The following RPS3A variants were observed in gnomAD, a reference collection of about 807,000 sequenced individuals.
RPS3A encodes the protein ribosomal protein S3A, also known as small ribosomal subunit protein eS1.
In RPS3A, 1 loss-of-function variant was observed where a neutral mutation model predicts 26.4. The ratio of observed to expected loss-of-function variants is 0.04; its 90% CI spans 0.01 to 0.18. The LOEUF (loss-of-function observed/expected upper bound fraction) is 0.18, where lower values mean the gene tolerates loss of function less well. Ranked by LOEUF, RPS3A falls within the 10% of genes least tolerant of loss-of-function variation. The pLI, the probability that RPS3A is intolerant of heterozygous loss-of-function variation, is 1.00. For synonymous variants in RPS3A, 97 were observed against 106.1 expected (o/e 0.91, Z 0.53); for missense variants, 139 against 326.8 (o/e 0.43, Z 4.43).
At chr4:151,103,911 G>C (rs1192208191) in intron 4 of RPS3A, 1 of 1,483,544 alleles carries the variant, frequency 6.7e-7, no homozygotes, top group Non-Finnish European at 9.0e-7. Flanking sequence ...TATACAGTTA[G>C]CTAAGAGGGT....
intron 4 of RPS3A, chr4:151,103,641 C>G: frequency 9.3e-7 from 1 of 1,072,334 alleles, no homozygotes; most frequent in Non-Finnish European, 1.1e-6. Flanking sequence ...GTGGGATGTG[C>G]CTGGAGTCCC....
chr4:151,099,770 GC>G, intron 1 of RPS3A, 56 bp downstream of exon 1: 1 of 1,547,480 alleles, frequency 6.5e-7, no homozygotes, highest in Non-Finnish European at 8.8e-7. Flanking sequence ...GAATCGGCGG[GC>G]TGGTCCTAGA....
chr4:151,099,921 C>G, intron 1 of RPS3A: 1 of 607,600 alleles, frequency 1.6e-6, no homozygotes, highest in Non-Finnish European at 3.1e-6. Flanking sequence ...CTGGTCCTTG[C>G]GCGCGTCGCG....
At position 151,103,754 on chromosome 4, in the gene RPS3A, G is replaced by A. The variant is rs941007563; in HGVS notation, c.564-423G>A. Reference sequence around the variant, plus strand: ...CTGTCCCAAAAAATAAAAAATATACGTATATATATATACACACACAAAGAA... The same window carrying A: ...CTGTCCCAAAAAATAAAAAATATACATATATATATATACACACACAAAGAA... On this transcript the variant is annotated intron_variant, in intron 4 of 5. Transcript: ENST00000274065. 3.5e-4 allele frequency: 430 copies of A among 1,217,324 alleles called. 1 individual carries two copies. Among genetic ancestry groups the A allele is most frequent in the African/African-American group, 1.4e-4 (9 of 62,536 alleles). 75.4% of individuals were successfully genotyped at this position (1,217,324 alleles called of 1,614,324 possible).
Position 151,104,458 on chromosome 4 carries a change from T to TTTTTTTC in RPS3A, c.674-10_674-9insTTCTTTT. On this transcript the variant is annotated splice_polypyrimidine_tract_variant and intron_variant, in intron 5 of 5. Transcript: ENST00000274065. ...TTTTTGGTTTTTTTTTTTTTTTTTTTTTTTGCCTTTTAGTGGGAAAGCTCA... is the reference window on the plus strand; with the variant it reads ...TTTTTGGTTTTTTTTTTTTTTTTTTTTTTTTTCTTTTGCCTTTTAGTGGGAAAGCTCA... 2 of 1,436,676 alleles carry TTTTTTTC rather than the reference T, an allele frequency of 1.4e-6. No homozygotes were observed. The highest frequency in any genetic ancestry group is 1.5e-5 in the South Asian group (1 of 68,386). The allele number at this position is 1,436,676 out of a possible 1,614,324, so 89.0% of individuals were successfully genotyped here. A position where few individuals can be genotyped will look rare whatever the true frequency, so the allele number is the denominator to read the frequency against.
At chr4:151,102,732 CTTAAAGAGATG>C in intron 3 of RPS3A, 128 bp from the exon 4 acceptor site, 1 of 1,034,454 alleles carries the variant, frequency 9.7e-7, no homozygotes, top group East Asian at 2.7e-5. Context: ...ATTCTGTAAA[CTTAAAGAGATG>C]TTACTTATGT....
At chr4:151,100,079 C>T (rs879723214) in intron 1 of RPS3A, 1 of 539,870 alleles carries the variant, frequency 1.9e-6, no homozygotes, top group Non-Finnish European at 3.5e-6. Context: ...TCAATCTCGC[C>T]TTTGCTTGGT....
chr4:151,102,735 A>T, intron 3 of RPS3A, 136 bp from the exon 4 acceptor site: 1 of 1,042,128 alleles, frequency 9.6e-7, no homozygotes, highest in South Asian at 1.7e-5. Flanking sequence ...CTGTAAACTT[A>T]AAGAGATGTT....
At chr4:151,099,921 C>A (rs931642921) in intron 1 of RPS3A, 3 of 607,476 alleles carry the variant, frequency 4.9e-6, no homozygotes, top group Admixed American at 2.1e-5. Context: ...CTGGTCCTTG[C>A]GCGCGTCGCG....
rs751286160 is a variant in RPS3A at position 151,102,903 on chromosome 4, T to C, written c.387T>C (p.Thr129=). The change falls in exon 4 of 6, where the codon ACT becomes ACC. Residue 129 remains threonine, a synonymous_variant. Transcript: ENST00000274065. ...TMIEAHVDVK[T]TDGYLLRLFC... ...TTGAAGCTCACGTTGATGTCAAGAC[T>C]ACCGATGGTTACTTGCTTCGTCTGT... 6.2e-7 allele frequency: 1 copy of C among 1,611,500 alleles called. No individual in the cohort carries two copies. Among genetic ancestry groups the C allele is most frequent in the Non-Finnish European group, 8.5e-7 (1 of 1,178,332 alleles).
At position 151,100,545 on chromosome 4, in the gene RPS3A, A is replaced by G. The variant is rs1747075134; in HGVS notation, c.123A>G (p.Ile41Met). 6.2e-7 allele frequency: 1 copy of G among 1,606,622 alleles called. No homozygotes were observed. The highest frequency in any genetic ancestry group is 1.7e-5 in the Admixed American group (1 of 59,982). ...YDVKAPAMFN[I>M]RNIGKTLVTR... The stretch of plus-strand genomic sequence containing the variant: ...TGAAAGCACCTGCTATGTTCAATAT[A>G]AGAAATATTGGAAAGACGCTCGTCA... The change falls in exon 2 of 6, where the codon ATA becomes ATG. Residue 41 changes from isoleucine (I) to methionine (M), a missense_variant. Physicochemically the swap from Ile to Met is conservative, Grantham distance 10. Coordinates refer to ENST00000274065, the MANE Select transcript of RPS3A (RefSeq NM_001006.5).
intron 5 of RPS3A, 34 bp from the exon 6 acceptor site, chr4:151,104,438 G>GGTTTTTTTTT: frequency 5.4e-6 from 2 of 370,334 alleles, no homozygotes; most frequent in Non-Finnish European, 4.1e-6. Context: ...ACAGTTTTTT[G>GGTTTTTTTTT]GTTTTTTTTT....
At chr4:151,101,315 G>T (rs1281972673) in intron 3 of RPS3A, among the ~76,000 whole-genome samples, 153 bp downstream of exon 3, 1 of 152,146 alleles carries the variant, frequency 6.6e-6, no homozygotes, top group East Asian at 1.9e-4. Context: ...TTTTCTTGCC[G>T]TTGTTGAGTG....
At chr4:151,103,777 G>T in intron 4 of RPS3A, 2 of 1,331,740 alleles carry the variant, frequency 1.5e-6, no homozygotes, top group African/African-American at 1.5e-5. Context: ...CACACACAAA[G>T]AAAAAATACA....
chr4:151,104,377 C>G lies in RPS3A; in HGVS notation c.673+91C>G. 6 of 1,503,476 alleles carry G rather than the reference C, an allele frequency of 4.0e-6. No homozygotes were observed. In the East Asian group the frequency reaches 1.4e-4, roughly 36 times the overall value. 93.1% of individuals were successfully genotyped at this position (1,503,476 alleles called of 1,614,324 possible). On this transcript the variant is annotated intron_variant, in intron 5 of 5. Coordinates refer to ENST00000274065, the MANE Select transcript of RPS3A (RefSeq NM_001006.5). The stretch of plus-strand genomic sequence containing the variant: ...GGGGCCATATCATGGCCTTCTTTTT[C>G]TTCCTGTCATGCTTGCATAGTAGTG...
chr4:151,100,551 T>C lies in RPS3A; in HGVS notation c.129T>C (p.Asn43=). 2 of 1,605,902 alleles carry C rather than the reference T, an allele frequency of 1.2e-6. No homozygotes were observed. The highest frequency in any genetic ancestry group is 8.5e-7 in the Non-Finnish European group (1 of 1,172,544). The change falls in exon 2 of 6, where the codon AAT becomes AAC. Residue 43 remains asparagine, a synonymous_variant. Transcript: ENST00000274065. ...CACCTGCTATGTTCAATATAAGAAA[T>C]ATTGGAAAGACGCTCGTCACCAGGA... ...VKAPAMFNIR[N]IGKTLVTRTQ...
At chr4:151,104,439 G>GTTTTTTTTTTTTTTTTTTTTTTTTTTTCT (rs386401872) in intron 5 of RPS3A, 33 bp from the exon 6 acceptor site, 1 of 529,432 alleles carries the variant, frequency 1.9e-6, no homozygotes, top group Non-Finnish European at 2.5e-6. Context: ...CAGTTTTTTG[G>GTTTTTTTTTTTTTTTTTTTTTTTTTTTCT]TTTTTTTTTT....
chr4:151,099,827 G>A, intron 1 of RPS3A, 113 bp downstream of exon 1: 2 of 1,210,612 alleles, frequency 1.7e-6, no homozygotes, highest in Non-Finnish European at 1.2e-6. Context: ...GATTGTGCGG[G>A]CCGTGGCGGG....
At chr4:151,102,198 T>C (rs528526622) in intron 3 of RPS3A, 4 of 370,126 alleles carry the variant, frequency 1.1e-5, no homozygotes, top group Admixed American at 6.9e-5. Flanking sequence ...TGTATTTGAT[T>C]AGTTTTTTTT....
Sources: allele counts gnomAD v4.1 joint callset (sites outside exome capture counted in the v4.1 genomes callset), GRCh38; gene constraint gnomAD v4.1.1; transcripts MANE v1.5; gene names NCBI Gene and HGNC (gene_info 2026-07-23, HGNC 2026-07-21).